The following PCDH7 variants were observed in gnomAD, a reference collection of about 807,000 sequenced individuals.
PCDH7 encodes protocadherin 7, also known as protocadherin-7.
Under a neutral mutation model 58.9 loss-of-function variants are expected in PCDH7, and 17 were observed. The ratio of observed to expected loss-of-function variants is 0.29; its 90% CI spans 0.20 to 0.43. PCDH7 has a LOEUF of 0.43. Ranked by LOEUF, PCDH7 falls within the 20% of genes least tolerant of loss-of-function variation. The probability of loss-of-function intolerance (pLI) is 1.00; values close to 1 mark genes in which losing one functional copy is unlikely to be tolerated. For synonymous variants in PCDH7, 664 were observed against 616.4 expected, an observed-to-expected ratio of 1.08 and a Z score of -1.14; for missense variants, 1,274 against 1,441.0, an observed-to-expected ratio of 0.88 and a Z score of 1.88.
chr4:30,850,090 C>G (rs1282383739), intron 1 of PCDH7, among the ~76,000 whole-genome samples: 3 of 152,092 alleles, frequency 2.0e-5, no homozygotes, highest in Non-Finnish European at 4.4e-5. Context: ...AAAACTGTCT[C>G]TCTCCACAGA....
intron 1 of PCDH7, among the ~76,000 whole-genome samples, chr4:30,729,104 G>C: frequency 6.6e-6 from 1 of 151,792 alleles, no homozygotes; most frequent in East Asian, 1.9e-4. Context: ...AGGAGACTGA[G>C]GCCCAGCATG....
chr4:30,927,895 ATAACACTCT>A (rs2109422884), intron 2 of PCDH7, among the ~76,000 whole-genome samples: 1 of 152,350 alleles, frequency 6.6e-6, no homozygotes, highest in South Asian at 2.1e-4. Context: ...CTGCTAAAAT[ATAACACTCT>A]TAAGCATCTT....
intron 1 of PCDH7, among the ~76,000 whole-genome samples, chr4:30,877,148 A>G (rs1192935236): frequency 6.6e-6 from 1 of 152,126 alleles, no homozygotes; most frequent in Non-Finnish European, 1.5e-5. Flanking sequence ...CTTAGGATGT[A>G]AGGACAAAGT....
chr4:30,740,486 C>T (rs1205107827), intron 1 of PCDH7, among the ~76,000 whole-genome samples: 1 of 151,898 alleles, frequency 6.6e-6, no homozygotes, highest in Non-Finnish European at 1.5e-5. Flanking sequence ...TTCTTCAATT[C>T]ACTCATTATG....
intron 1 of PCDH7, among the ~76,000 whole-genome samples, chr4:30,829,680 T>C (rs1040441683): frequency 6.6e-6 from 1 of 152,074 alleles, no homozygotes; most frequent in African/African-American, 2.4e-5. Context: ...TTTAAACAGA[T>C]AAGACTATGA....
intron 3 of PCDH7, among the ~76,000 whole-genome samples, chr4:30,992,644 A>G (rs1275695880): frequency 2.0e-5 from 3 of 152,158 alleles, no homozygotes; most frequent in Non-Finnish European, 4.4e-5. Context: ...AGAGTTAGCC[A>G]TAGGAGAAGG....
At chr4:30,933,715 C>T (rs1744968886) in intron 2 of PCDH7, among the ~76,000 whole-genome samples, 1 of 152,146 alleles carries the variant, frequency 6.6e-6, no homozygotes, top group Non-Finnish European at 1.5e-5. Flanking sequence ...TAGTTACCTG[C>T]TGTTACTCTT....
rs151029170 is a variant in PCDH7, at chr4:31,035,701, A to G, written c.*7+85486A>G. Among the ~76,000 whole-genome samples the G allele has an allele frequency of 4.7e-3, 719 of 152,358 alleles. 4 individuals carry two copies. The highest frequency in any genetic ancestry group is 0.016 in the African/African-American group (676 of 41,586). ...CCCCAAATGGTAGTGCCACCATGTA[A>G]TTAAGCTACAACTGATGACAAGTAT... On this transcript the variant is annotated intron_variant, in intron 3 of 3. Transcript: ENST00000509759.
intron 2 of PCDH7, among the ~76,000 whole-genome samples, chr4:30,931,517 G>A (rs1376184791): frequency 6.6e-6 from 1 of 152,098 alleles, no homozygotes; most frequent in East Asian, 1.9e-4. Context: ...GGAGGTTGCA[G>A]TGAGTGAGAT....
chr4:30,951,080 C>G (rs1006610827), intron 3 of PCDH7, among the ~76,000 whole-genome samples: 5 of 152,078 alleles, frequency 3.3e-5, no homozygotes, highest in Admixed American at 3.3e-4. Flanking sequence ...CTTTGAGACA[C>G]ATGACTAAAA....
chr4:31,010,822 A>G (rs915726165), intron 3 of PCDH7, among the ~76,000 whole-genome samples: 51 of 152,102 alleles, frequency 3.4e-4, no homozygotes, highest in African/African-American at 1.2e-3. Flanking sequence ...CTCAAAAATA[A>G]TACAATGATT....
At chr4:30,971,379 C>T (rs1749567749) in intron 3 of PCDH7, among the ~76,000 whole-genome samples, 1 of 152,174 alleles carries the variant, frequency 6.6e-6, no homozygotes, top group Admixed American at 6.5e-5. Flanking sequence ...ACCCAAACAC[C>T]TGCTGTGTGT....
At chr4:31,142,432 G>A (rs77404368) in intron 3 of PCDH7, 41 bp from the exon 3 acceptor site, 1 of 1,332,198 alleles carries the variant, frequency 7.5e-7, no homozygotes, top group Non-Finnish European at 9.9e-7. Context: ...AGCCTGTTGA[G>A]GAGTGTCAAA....
chr4:30,827,330 T>A (rs758780494), intron 1 of PCDH7, among the ~76,000 whole-genome samples: 49 of 152,198 alleles, frequency 3.2e-4, no homozygotes, highest in Non-Finnish European at 2.9e-4. Context: ...AGGAATTTTT[T>A]TTCCAGAATT....
At chr4:31,028,675 C>A (rs1191712562) in intron 3 of PCDH7, among the ~76,000 whole-genome samples, 1 of 151,090 alleles carries the variant, frequency 6.6e-6, no homozygotes, top group Admixed American at 6.6e-5. Flanking sequence ...AAAAAAAATA[C>A]CCAAACTTTA....
At chr4:31,102,255 G>T (rs1422498366) in intron 3 of PCDH7, among the ~76,000 whole-genome samples, 2 of 151,272 alleles carry the variant, frequency 1.3e-5, no homozygotes, top group African/African-American at 4.9e-5. Context: ...AATGTCACCT[G>T]GTATCTATCT....
In PCDH7 at chr4:30,721,296, CCCTCT is replaced by C; in HGVS notation, c.-125_-121del. On this transcript the variant is annotated 5_prime_UTR_variant, in exon 1 of 2. Transcript: ENST00000361762. This position sits in a 1 kb window ranked among gnomAD's most constrained non-coding sequence, Gnocchi z 6.7. ...GCCGCTTTTGCCCCCTCCCTCCCCT[CCCTCT>C]CGCTCCTTCCTTTCCGGGAGAGGGG... 3.1e-6 allele frequency: 3 copies of C among 972,568 alleles called. No homozygotes were observed. Among genetic ancestry groups the C allele is most frequent in the Non-Finnish European group, 4.4e-6 (3 of 689,592 alleles). The allele number at this position is 972,568 out of a possible 1,614,324, so 60.2% of individuals were successfully genotyped here. A position where few individuals can be genotyped will look rare whatever the true frequency, so the allele number is the denominator to read the frequency against.
At chr4:30,918,117 T>C (rs1231015278) in intron 1 of PCDH7, among the ~76,000 whole-genome samples, 1 of 152,210 alleles carries the variant, frequency 6.6e-6, no homozygotes, top group Non-Finnish European at 1.5e-5. Context: ...TAAGTGTTTG[T>C]TTTTAAACCC....
intron 1 of PCDH7, among the ~76,000 whole-genome samples, chr4:30,826,633 C>A (rs1274315999): frequency 6.6e-6 from 1 of 152,008 alleles, no homozygotes; most frequent in African/African-American, 2.4e-5. Flanking sequence ...TTCAAACTAC[C>A]CAATGTTGTA....
Sources: allele counts gnomAD v4.1 joint callset (sites outside exome capture counted in the v4.1 genomes callset), GRCh38; gene constraint gnomAD v4.1.1; non-coding constraint Gnocchi (gnomAD v3.1); transcripts MANE v1.5; gene names NCBI Gene and HGNC (gene_info 2026-07-23, HGNC 2026-07-21).